The following ERC1 variants were observed in gnomAD, a reference collection of about 807,000 sequenced individuals.
ERC1 encodes RAB6 interacting protein 2.
Under a neutral mutation model 132.0 loss-of-function variants are expected in ERC1, and 56 were observed. The ratio of observed to expected loss-of-function variants is 0.42; its 90% CI spans 0.34 to 0.53. The LOEUF is 0.53. ERC1 is among the 20% of genes least tolerant of loss of function. The pLI, the probability that ERC1 is intolerant of heterozygous loss-of-function variation, is 0.03. For missense variants in ERC1, 1,202 were observed against 1,349.9 expected (o/e 0.89, Z 1.72); for synonymous variants, 478 against 476.1 (o/e 1.00, Z -0.05).
At chr12:1,093,984 T>TAG (rs1277120557) in intron 3 of ERC1, among the ~76,000 whole-genome samples, 12 of 131,360 alleles carry the variant, frequency 9.1e-5, no homozygotes, top group African/African-American at 3.0e-4. Flanking sequence ...TATATATATA[T>TAG]AGAAAAACAT....
intron 12 of ERC1, among the ~76,000 whole-genome samples, chr12:1,216,590 C>T (rs961311909): frequency 3.1e-5 from 2 of 65,554 alleles, no homozygotes; most frequent in African/African-American, 1.5e-4. Context: ...ATTGACATAG[C>T]CTTGGTGGGG....
intron 7 of ERC1, among the ~76,000 whole-genome samples, chr12:1,124,549 T>C (rs1401338637): frequency 5.3e-5 from 8 of 152,094 alleles, no homozygotes; most frequent in Non-Finnish European, 4.4e-5. Flanking sequence ...TTTTAACATA[T>C]TTATCAGAAA....
At chr12:1,341,330 T>C (rs2083870447) in intron 15 of ERC1, among the ~76,000 whole-genome samples, 1 of 151,850 alleles carries the variant, frequency 6.6e-6, no homozygotes, top group Non-Finnish European at 1.5e-5. Context: ...CTCCTGAGGA[T>C]TATAAATCAT....
At chr12:1,035,946 A>ATT (rs11456325) in intron 2 of ERC1, among the ~76,000 whole-genome samples, 2 of 149,710 alleles carry the variant, frequency 1.3e-5, no homozygotes, top group African/African-American at 4.9e-5. Context: ...ACTTTGGATG[A>ATT]TTTTTTTTTT....
intron 12 of ERC1, among the ~76,000 whole-genome samples, chr12:1,217,388 A>G (rs1163862284): frequency 6.6e-6 from 1 of 152,210 alleles, no homozygotes; most frequent in Non-Finnish European, 1.5e-5. Context: ...GAAATGGACA[A>G]TGACTCTTTT....
intron 12 of ERC1, among the ~76,000 whole-genome samples, chr12:1,193,159 C>A (rs970284724): frequency 3.9e-5 from 6 of 152,072 alleles, no homozygotes; most frequent in Non-Finnish European, 8.8e-5. Context: ...GATTCCCAGG[C>A]CTGTTCTTTG....
chr12:1,093,199 C>A (rs1311456936), intron 3 of ERC1, among the ~76,000 whole-genome samples: 2 of 152,054 alleles, frequency 1.3e-5, no homozygotes, highest in Non-Finnish European at 2.9e-5. Context: ...AAATAATTCT[C>A]CCCCCCAAAA....
Position 1,027,878 on chromosome 12 carries a change from C to T in ERC1, c.-26C>T, listed in dbSNP as rs527727581. On this transcript the variant is annotated 5_prime_UTR_variant, in exon 2 of 19. Coordinates refer to ENST00000360905, the MANE Select transcript of ERC1 (RefSeq NM_178040.4). ...TGTTGTTGTTGTTGTTGATTTTCTG[C>T]TCACACCTTTCCTGACCTTGCAACC... 7.2e-5 allele frequency: 112 copies of T among 1,562,014 alleles called. 2 individuals carry two copies. In the South Asian group the frequency reaches 1.2e-3, roughly 17 times the overall value.
At chr12:1,174,912 A>G (rs1383631044) in intron 8 of ERC1, among the ~76,000 whole-genome samples, 2 of 152,226 alleles carry the variant, frequency 1.3e-5, no homozygotes, top group Non-Finnish European at 2.9e-5. Context: ...ATATACAGGT[A>G]TACCTCGGAG....
intron 1 of ERC1, among the ~76,000 whole-genome samples, chr12:993,497 A>G (rs1350618768): frequency 6.6e-6 from 1 of 152,166 alleles, no homozygotes; most frequent in Non-Finnish European, 1.5e-5. Context: ...CTTGCTAGTC[A>G]TTACTTGTGA....
At chr12:1,015,039 C>T (rs184491761) in intron 1 of ERC1, among the ~76,000 whole-genome samples, 140 of 151,296 alleles carry the variant, frequency 9.3e-4, no homozygotes, top group Admixed American at 3.1e-3. Flanking sequence ...GTTGGGATTA[C>T]AGGCATGACC....
At chr12:1,442,188 A>G (rs1040778907) in intron 17 of ERC1, among the ~76,000 whole-genome samples, 2 of 152,260 alleles carry the variant, frequency 1.3e-5, no homozygotes, top group African/African-American at 2.4e-5. Flanking sequence ...TTGGCCTCCC[A>G]AAGTGCTGAG....
At chr12:1,212,360 C>T (rs1156425130) in intron 12 of ERC1, among the ~76,000 whole-genome samples, 3 of 152,038 alleles carry the variant, frequency 2.0e-5, no homozygotes, top group Admixed American at 1.3e-4. Context: ...GGACTTAATC[C>T]CTTAGGAAAG....
At chr12:1,065,926 A>G (rs867763648) in intron 2 of ERC1, among the ~76,000 whole-genome samples, 14 of 152,176 alleles carry the variant, frequency 9.2e-5, no homozygotes, top group Non-Finnish European at 1.5e-4. Flanking sequence ...AAGATCACTT[A>G]TTGTATGGTT....
At chr12:1,055,921 G>T (rs533558017) in intron 2 of ERC1, among the ~76,000 whole-genome samples, 1 of 152,174 alleles carries the variant, frequency 6.6e-6, no homozygotes, top group Non-Finnish European at 1.5e-5. Context: ...CATGGCGGGA[G>T]AATTGCTTGA....
chr12:1,333,107 C>T (rs73036675), intron 15 of ERC1, among the ~76,000 whole-genome samples: 5,113 of 151,760 alleles, frequency 0.034, 111 homozygotes, highest in African/African-American at 0.044. Flanking sequence ...CCTCTCACCC[C>T]CCCTCCTCCA....
chr12:1,219,850 T>G (rs761692313), intron 12 of ERC1, among the ~76,000 whole-genome samples: 10 of 151,982 alleles, frequency 6.6e-5, no homozygotes, highest in Non-Finnish European at 1.0e-4. Flanking sequence ...GAGCAGGGAG[T>G]ACAGGCATGA....
At chr12:1,400,459 T>C (rs779945476) in intron 16 of ERC1, among the ~76,000 whole-genome samples, 1 of 152,214 alleles carries the variant, frequency 6.6e-6, no homozygotes, top group Admixed American at 6.5e-5. Context: ...TTTGCCGCTT[T>C]CGCTCTTTGG....
intron 1 of ERC1, among the ~76,000 whole-genome samples, chr12:1,022,269 CA>C (rs1182498170): frequency 6.6e-6 from 1 of 152,182 alleles, no homozygotes; most frequent in Non-Finnish European, 1.5e-5. Flanking sequence ...TGCATATGCA[CA>C]CCTGAAACAT....
Sources: gnomAD v4.1 joint callset for allele counts (sites outside exome capture counted in the v4.1 genomes callset) on GRCh38, gnomAD v4.1.1 for gene constraint, MANE v1.5 for transcripts, NCBI Gene and HGNC (gene_info 2026-07-23, HGNC 2026-07-21) for gene names.